GLI3: variants seen among roughly 807,000 people sequenced by gnomAD.
GLI3 encodes the protein GLI family zinc finger 3.
In GLI3, 20 loss-of-function variants were observed where a neutral mutation model predicts 100.8. The observed-to-expected ratio is 0.20, with a 90% CI of 0.14 to 0.29. The LOEUF (loss-of-function observed/expected upper bound fraction) is 0.29. GLI3 is among the 10% of genes least tolerant of loss of function. The probability of loss-of-function intolerance (pLI) is 1.00; values close to 1 mark genes in which losing one functional copy is unlikely to be tolerated. For missense variants in GLI3, 2,040 were observed against 2,128.5 expected, an observed-to-expected ratio of 0.96 and a Z score of 0.82; for synonymous variants, 938 against 860.5, an observed-to-expected ratio of 1.09 and a Z score of -1.58.
intron 10 of GLI3, among the ~76,000 whole-genome samples, chr7:41,987,791 C>G: frequency 6.6e-6 from 1 of 152,156 alleles, no homozygotes; most frequent in East Asian, 1.9e-4. Context: ...AATTCAGAAT[C>G]TCTATCTTTT....
intron 1 of GLI3, among the ~76,000 whole-genome samples, chr7:42,263,354 G>T (rs188342864): frequency 6.6e-6 from 1 of 152,296 alleles, no homozygotes; most frequent in South Asian, 2.1e-4. Flanking sequence ...ATGCTTCTTA[G>T]GTGGAAGGGT....
At chr7:42,045,589 C>A in intron 5 of GLI3, 59 bp from the exon 6 acceptor site, 1 of 1,521,644 alleles carries the variant, frequency 6.6e-7, no homozygotes, top group South Asian at 1.1e-5. Flanking sequence ...AGAAGTTTCT[C>A]TTGAGGCATC....
At chr7:41,989,871 AAAAAAT>A (rs899022664) in intron 10 of GLI3, among the ~76,000 whole-genome samples, 17 of 151,772 alleles carry the variant, frequency 1.1e-4, no homozygotes, top group Non-Finnish European at 1.5e-4. Flanking sequence ...CATTTCTAAC[AAAAAAT>A]AAAAATAAAA....
At chr7:42,123,813 C>T (rs1786059944) in intron 3 of GLI3, among the ~76,000 whole-genome samples, 2 of 152,158 alleles carry the variant, frequency 1.3e-5, no homozygotes, top group Admixed American at 6.5e-5. Context: ...GACATCTGAC[C>T]TTTAAAAGCA....
intron 2 of GLI3, among the ~76,000 whole-genome samples, chr7:42,208,804 G>C (rs896569647): frequency 3.3e-5 from 5 of 152,166 alleles, no homozygotes; most frequent in African/African-American, 1.2e-4. Context: ...AGTCACACAA[G>C]AGTCCAAAAT....
chr7:42,020,257 G>A (rs1225337318), intron 10 of GLI3, among the ~76,000 whole-genome samples: 1 of 152,190 alleles, frequency 6.6e-6, no homozygotes, highest in African/African-American at 2.4e-5. Flanking sequence ...ATCAAATTGT[G>A]ATTTGCTAAT....
intron 7 of GLI3, among the ~76,000 whole-genome samples, chr7:42,035,587 T>C (rs562197372): frequency 6.6e-6 from 1 of 152,372 alleles, no homozygotes; most frequent in South Asian, 2.1e-4. Flanking sequence ...CCACTTTCAT[T>C]GTAGCCATTA....
intron 3 of GLI3, among the ~76,000 whole-genome samples, chr7:42,110,749 G>A (rs898565871): frequency 1.3e-5 from 2 of 152,200 alleles, no homozygotes; most frequent in Non-Finnish European, 2.9e-5. Flanking sequence ...GGGAAAAGGA[G>A]GGATTTGCAA....
chr7:42,206,006 G>T (rs1788143518), intron 2 of GLI3, among the ~76,000 whole-genome samples: 1 of 152,144 alleles, frequency 6.6e-6, no homozygotes, highest in African/African-American at 2.4e-5. Flanking sequence ...AGTGGCTCAT[G>T]CCTGTAATCC....
chr7:42,066,963 G>C (rs1238945468), intron 4 of GLI3, among the ~76,000 whole-genome samples: 2 of 152,164 alleles, frequency 1.3e-5, no homozygotes, highest in African/African-American at 4.8e-5. Flanking sequence ...GACAGGCTTA[G>C]AGTGCTACAA....
intron 3 of GLI3, chr7:42,113,335 C>T (rs1386726353): frequency 1.6e-6 from 1 of 631,788 alleles, no homozygotes; most frequent in African/African-American, 1.8e-5. Context: ...CTGTGCCCAG[C>T]ACCTACGTCC....
At chr7:42,075,816 C>A (rs1238859727) in intron 4 of GLI3, among the ~76,000 whole-genome samples, 2 of 152,184 alleles carry the variant, frequency 1.3e-5, no homozygotes, top group East Asian at 1.9e-4. Context: ...TCAATTAATT[C>A]TGTTCACAGA....
chr7:42,168,723 C>T (rs1787297870), intron 2 of GLI3, among the ~76,000 whole-genome samples: 1 of 152,030 alleles, frequency 6.6e-6, no homozygotes, highest in Admixed American at 6.6e-5. Context: ...CGAGACCAGC[C>T]TGGGCAACAC....
chr7:42,003,957 G>C (rs1026574779), intron 10 of GLI3, among the ~76,000 whole-genome samples: 3 of 152,102 alleles, frequency 2.0e-5, no homozygotes, highest in Non-Finnish European at 4.4e-5. Flanking sequence ...CATATCAAAA[G>C]AGTAACTCAC....
At position 42,002,078 on chromosome 7, in the gene GLI3, G is replaced by A. The variant is rs199669203; in HGVS notation, c.1497+21390C>T. 1.3e-3 allele frequency among the ~76,000 whole-genome samples: 160 copies of A among 120,362 alleles called. 2 individuals carry two copies. Among genetic ancestry groups the A allele is most frequent in the African/African-American group, 4.9e-3 (147 of 29,906 alleles). The allele number at this position is 120,362 out of a possible 152,430, so 79.0% of individuals were successfully genotyped here. On this transcript the variant is annotated intron_variant, in intron 10 of 14. Coordinates refer to ENST00000395925, the MANE Select transcript of GLI3 (RefSeq NM_000168.6). ...AAGACACACACACACACACACACAC[G>A]CACACACACACACGTGTGCAAATAA... is the stretch of plus-strand genomic sequence containing the variant.
intron 10 of GLI3, among the ~76,000 whole-genome samples, chr7:41,992,140 C>T (rs2128718471): frequency 6.6e-6 from 1 of 152,294 alleles, no homozygotes; most frequent in African/African-American, 2.4e-5. Context: ...AAAGACTGGG[C>T]AATGAATCCA....
intron 3 of GLI3, among the ~76,000 whole-genome samples, chr7:42,109,855 G>A (rs1004473987): frequency 3.9e-5 from 6 of 152,184 alleles, no homozygotes; most frequent in African/African-American, 1.4e-4. Flanking sequence ...ACTTGCAAAA[G>A]AAAGATTTTA....
chr7:42,018,885 T>A (rs1446470654), intron 10 of GLI3, among the ~76,000 whole-genome samples: 1 of 152,144 alleles, frequency 6.6e-6, no homozygotes, highest in Non-Finnish European at 1.5e-5. Flanking sequence ...CTAACAGAAA[T>A]ACATCTCACT....
intron 7 of GLI3, among the ~76,000 whole-genome samples, chr7:42,028,362 A>C (rs1361238241): frequency 1.3e-5 from 2 of 152,226 alleles, no homozygotes; most frequent in East Asian, 3.8e-4. Flanking sequence ...GGGGCTTAAA[A>C]AATCAGTACT....
Sources: allele counts gnomAD v4.1 joint callset (sites outside exome capture counted in the v4.1 genomes callset), GRCh38; gene constraint gnomAD v4.1.1; transcripts MANE v1.5; gene names NCBI Gene and HGNC (gene_info 2026-07-23, HGNC 2026-07-21).